ABCA12: variants seen among roughly 807,000 people sequenced by gnomAD.
ABCA12 encodes glucosylceramide transporter ABCA12.
ABCA12 carries 156 observed loss-of-function variants against 293.5 expected under a neutral mutation model. The observed-to-expected ratio is 0.53, with a 90% CI of 0.47 to 0.61. The LOEUF is 0.61. ABCA12 is among the 20% of genes least tolerant of loss of function. The probability of loss-of-function intolerance (pLI) is 0.00; values close to 1 mark genes in which losing one functional copy is unlikely to be tolerated. For missense variants in ABCA12, 2,797 were observed against 3,090.2 expected (o/e 0.91, Z 2.25); for synonymous variants, 1,063 against 1,108.0 (o/e 0.96, Z 0.81).
At chr2:215,117,075 G>T (rs536984647) in intron 1 of ABCA12, among the ~76,000 whole-genome samples, 1 of 152,338 alleles carries the variant, frequency 6.6e-6, no homozygotes, top group Non-Finnish European at 1.5e-5. Context: ...TAAAGTATCT[G>T]GGGGTAATGG....
intron 1 of ABCA12, among the ~76,000 whole-genome samples, chr2:215,116,453 G>A (rs928377820): frequency 6.6e-6 from 1 of 152,212 alleles, no homozygotes; most frequent in African/African-American, 2.4e-5. Flanking sequence ...TAGGTAGGTA[G>A]ATAGATTGAT....
chr2:215,011,652 G>A lies in ABCA12; in HGVS notation c.2122-3C>T. 3 of 1,613,908 alleles carry A rather than the reference G, an allele frequency of 1.9e-6. No homozygotes were observed. The highest frequency in any genetic ancestry group is 2.5e-6 in the Non-Finnish European group (3 of 1,179,822). On this transcript the variant is annotated splice_polypyrimidine_tract_variant and splice_region_variant and intron_variant, in intron 16 of 52. Coordinates refer to ENST00000272895, the MANE Select transcript of ABCA12 (RefSeq NM_173076.3). ...ATTCGGTTGCTTCTGTACATTGCCT[G>A]TGAGACAAAAATCCACAATTTATTG...
At chr2:215,037,205 ATTAC>A (rs1701012636) in intron 7 of ABCA12, 140 bp from the exon 8 acceptor site, 1 of 706,056 alleles carries the variant, frequency 1.4e-6, no homozygotes, top group South Asian at 1.6e-5. Flanking sequence ...TTGTAATTTA[ATTAC>A]TTGTTTGTCT....
intron 6 of ABCA12, among the ~76,000 whole-genome samples, chr2:215,048,356 CAT>C (rs1268371974): frequency 6.6e-6 from 1 of 152,038 alleles, no homozygotes; most frequent in African/African-American, 2.4e-5. Flanking sequence ...ACTATAAAGA[CAT>C]ATGCACACAT....
chr2:214,935,293 T>G (rs900139287), intron 51 of ABCA12, among the ~76,000 whole-genome samples: 3 of 152,144 alleles, frequency 2.0e-5, no homozygotes, highest in African/African-American at 7.2e-5. Context: ...CTTTTTATTA[T>G]CACTGCATTT....
At chr2:215,045,706 G>T in intron 7 of ABCA12, 131 bp downstream of exon 7, 1 of 816,812 alleles carries the variant, frequency 1.2e-6, no homozygotes, top group Non-Finnish European at 1.9e-6. Flanking sequence ...GCTAAAATCT[G>T]CAATAAGAGG....
At chr2:215,031,768 G>T in intron 9 of ABCA12, 53 bp downstream of exon 9, 1 of 1,605,440 alleles carries the variant, frequency 6.2e-7, no homozygotes, top group Non-Finnish European at 8.5e-7. Context: ...AAATTGTTTT[G>T]ATTGTTTATT....
intron 4 of ABCA12, among the ~76,000 whole-genome samples, chr2:215,053,344 C>A (rs1452393233): frequency 6.6e-6 from 1 of 152,036 alleles, no homozygotes. Flanking sequence ...TCAATGGTAC[C>A]AGTGACTCAT....
At chr2:214,993,874 A>T (rs964084452) in intron 23 of ABCA12, among the ~76,000 whole-genome samples, 1 of 152,166 alleles carries the variant, frequency 6.6e-6, no homozygotes, top group African/African-American at 2.4e-5. Flanking sequence ...ATAATTTGGC[A>T]GGCTTGAACA....
rs751678145 is a variant in ABCA12 at position 214,958,313 on chromosome 2, C to G, written c.6081G>C (p.Val2027=). The change falls in exon 41 of 53, where the codon GTG becomes GTC. Residue 2027 remains valine (V), a synonymous_variant. Transcript: ENST00000272895. ...TGAAGTTTGTTACCCAGTAGCATGT[C>G]ACGCCAATGCCTGAAATGTGCTGCA... ...KQLQHISGIG[V]TCYWVTNFIY... 1 of 1,614,014 alleles carries G rather than the reference C, an allele frequency of 6.2e-7. No homozygotes were observed. Among genetic ancestry groups the G allele is most frequent in the Non-Finnish European group, 8.5e-7 (1 of 1,179,886 alleles).
chr2:215,026,892 C>A lies in ABCA12; in HGVS notation c.1108G>T (p.Ala370Ser). Residue 370 changes from alanine (A) to serine (S), a missense_variant, in exon 10 of 53, where the codon GCA becomes TCA. Physicochemically the swap from Ala to Ser is moderately conservative, Grantham distance 99. Around this residue, in one of 3 missense-constraint regions of ABCA12, gnomAD observed 656 missense variants for 638.2 expected, o/e 1.03. Coordinates refer to ENST00000272895, the MANE Select transcript of ABCA12 (RefSeq NM_173076.3). ...AAGTAAGGAATATAAGGACTATTTG[C>A]TGATATATTTAAGAGGGCATCTTCA... ...NFEDALLNIS[A>S]NSPYIPYLAC... 1 of 1,613,456 alleles carries A rather than the reference C, an allele frequency of 6.2e-7. No homozygotes were observed. The highest frequency in any genetic ancestry group is 2.2e-5 in the East Asian group (1 of 44,858).
chr2:215,074,108 A>T (rs191360205), intron 2 of ABCA12, among the ~76,000 whole-genome samples: 79 of 152,302 alleles, frequency 5.2e-4, no homozygotes, highest in African/African-American at 1.8e-3. Context: ...TTGGATAATA[A>T]CCTGGGAATG....
intron 18 of ABCA12, among the ~76,000 whole-genome samples, chr2:215,009,932 T>C (rs980297300): frequency 9.2e-5 from 14 of 152,326 alleles, no homozygotes; most frequent in African/African-American, 2.4e-4. Flanking sequence ...CAAGAATCTA[T>C]ACTTCAGGGA....
intron 2 of ABCA12, among the ~76,000 whole-genome samples, chr2:215,077,569 T>A (rs1701857676): frequency 6.6e-6 from 1 of 152,158 alleles, no homozygotes; most frequent in Non-Finnish European, 1.5e-5. Context: ...TTCCATTATA[T>A]ATTACCTCTA....
At chr2:215,029,556 A>G (rs561068211) in intron 9 of ABCA12, among the ~76,000 whole-genome samples, 141 of 152,264 alleles carry the variant, frequency 9.3e-4, no homozygotes, top group Middle Eastern at 3.4e-3. Context: ...CTGGAACAAG[A>G]GAGTTTCATG....
intron 44 of ABCA12, among the ~76,000 whole-genome samples, chr2:214,953,075 ATATT>A (rs1320744367): frequency 6.6e-6 from 1 of 152,210 alleles, no homozygotes; most frequent in Non-Finnish European, 1.5e-5. Flanking sequence ...GTCTGCATAA[ATATT>A]TCTTTTCTTT....
chr2:215,037,203 T>G, intron 7 of ABCA12, 138 bp from the exon 8 acceptor site: 1 of 706,484 alleles, frequency 1.4e-6, no homozygotes, highest in Non-Finnish European at 2.5e-6. Flanking sequence ...TTTTGTAATT[T>G]AATTACTTGT....
rs996693031 is a variant in ABCA12 at position 214,932,422 on chromosome 2, A to C, written c.*212T>G. On this transcript the variant is annotated 3_prime_UTR_variant, in exon 53 of 53. Coordinates refer to ENST00000272895, the MANE Select transcript of ABCA12 (RefSeq NM_173076.3). ...TTAGCATGCTCACAGTGTTGAGTAT[A>C]CAGGAATTCATTTCAGTAGCAACAA... 2 of 570,712 alleles carry C rather than the reference A, an allele frequency of 3.5e-6. No homozygotes were observed. The highest frequency in any genetic ancestry group is 5.8e-5 in the Admixed American group (2 of 34,662). 35.4% of individuals were successfully genotyped at this position (570,712 alleles called of 1,614,324 possible).
At position 214,937,497 on chromosome 2, in the gene ABCA12, C is replaced by T. The variant is rs370013135; in HGVS notation, c.7542+13G>A. The T allele has an allele frequency of 3.7e-6, 6 of 1,604,432 alleles. No homozygotes were observed. The highest frequency in any genetic ancestry group is 4.3e-6 in the Non-Finnish European group (5 of 1,171,544). On this transcript the variant is annotated intron_variant, in intron 51 of 52. Coordinates refer to ENST00000272895, the MANE Select transcript of ABCA12 (RefSeq NM_173076.3). ...ACAGGCGTGAGCCACTGCACCCAGCCATCATCACTTACTTTTAAGTATGTT... is the reference window on the plus strand; with the variant it reads ...ACAGGCGTGAGCCACTGCACCCAGCTATCATCACTTACTTTTAAGTATGTT...
Sources: gnomAD v4.1 joint callset for allele counts (sites outside exome capture counted in the v4.1 genomes callset) on GRCh38, gnomAD v4.1.1 for gene constraint, gnomAD v4.1.1 regional missense constraint, MANE v1.5 for transcripts, NCBI Gene and HGNC (gene_info 2026-07-23, HGNC 2026-07-21) for gene names.